The following GRM7 variants were observed in gnomAD, a reference collection of about 807,000 sequenced individuals.
The protein encoded by GRM7 is glutamate metabotropic receptor 7.
Under a neutral mutation model 84.5 loss-of-function variants are expected in GRM7, and 35 were observed. The ratio of observed to expected loss-of-function variants is 0.41; its 90% confidence interval spans 0.32 to 0.55. GRM7 has a LOEUF of 0.55. Ranked by LOEUF, GRM7 falls within the 20% of genes least tolerant of loss-of-function variation. The pLI, the probability that GRM7 is intolerant of heterozygous loss-of-function variation, is 0.19. For synonymous variants in GRM7, 487 were observed against 455.1 expected (o/e 1.07, Z -0.89); for missense variants, 1,003 against 1,194.6 (o/e 0.84, Z 2.36).
chr3:7,448,534 G>C (rs1262023092), intron 5 of GRM7, among the ~76,000 whole-genome samples: 1 of 152,172 alleles, frequency 6.6e-6, no homozygotes, highest in African/African-American at 2.4e-5. Context: ...AGGAGGAGTA[G>C]GGATGGTATA....
At chr3:7,624,958 GA>G (rs987120743) in intron 8 of GRM7, among the ~76,000 whole-genome samples, 3 of 152,194 alleles carry the variant, frequency 2.0e-5, no homozygotes, top group African/African-American at 7.2e-5. Flanking sequence ...AGAGTTGGGA[GA>G]GGGGCACTGT....
At chr3:7,566,111 T>TTTG (rs1210894800) in intron 7 of GRM7, among the ~76,000 whole-genome samples, 2,149 of 29,088 alleles carry the variant, frequency 0.074, 46 homozygotes, top group East Asian at 0.21. Context: ...CTGTTTTTTT[T>TTTG]TTTTTTTTTT....
At chr3:7,544,219 T>C (rs749030523) in intron 7 of GRM7, among the ~76,000 whole-genome samples, 2 of 152,206 alleles carry the variant, frequency 1.3e-5, no homozygotes, top group Admixed American at 6.5e-5. Context: ...CCAAGTGGAA[T>C]GCAGTGGCAG....
intron 2 of GRM7, among the ~76,000 whole-genome samples, chr3:7,185,857 A>G (rs1409965320): frequency 6.6e-6 from 1 of 152,218 alleles, no homozygotes; most frequent in African/African-American, 2.4e-5. Context: ...AAGTCTCCAA[A>G]TCATGCCCAG....
At chr3:7,514,675 C>T (rs1700315654) in intron 7 of GRM7, among the ~76,000 whole-genome samples, 2 of 152,126 alleles carry the variant, frequency 1.3e-5, no homozygotes, top group Admixed American at 1.3e-4. Context: ...CTTGGACCTG[C>T]CTTGTAAAAA....
chr3:7,575,072 C>T (rs546045752), intron 7 of GRM7, among the ~76,000 whole-genome samples: 1 of 152,292 alleles, frequency 6.6e-6, no homozygotes, highest in Non-Finnish European at 1.5e-5. Context: ...GCATAATTTG[C>T]TCTTTCCCTA....
At chr3:7,525,875 A>C (rs990266032) in intron 7 of GRM7, among the ~76,000 whole-genome samples, 5 of 152,154 alleles carry the variant, frequency 3.3e-5, no homozygotes, top group African/African-American at 1.2e-4. Flanking sequence ...TGTTCCTGCA[A>C]GGGAAATGAT....
intron 4 of GRM7, among the ~76,000 whole-genome samples, chr3:7,374,018 A>G (rs1274176927): frequency 6.6e-6 from 1 of 152,106 alleles, no homozygotes; most frequent in Non-Finnish European, 1.5e-5. Context: ...TCCATGGGAG[A>G]GGCAGCATAG....
intron 7 of GRM7, among the ~76,000 whole-genome samples, chr3:7,542,551 A>ATT (rs35372177): frequency 0.1 from 14,088 of 136,616 alleles, 818 homozygotes; most frequent in South Asian, 0.13. Context: ...ATGCATAGCA[A>ATT]TTTTTTTTTT....
chr3:7,370,336 T>G (rs7647276), intron 4 of GRM7, among the ~76,000 whole-genome samples: 1 of 151,892 alleles, frequency 6.6e-6, no homozygotes, highest in Non-Finnish European at 1.5e-5. Context: ...TTGGATGATA[T>G]GGATCCAGAT....
chr3:7,117,002 GC>G (rs1693057999), intron 1 of GRM7, among the ~76,000 whole-genome samples: 1 of 152,162 alleles, frequency 6.6e-6, no homozygotes, highest in South Asian at 2.1e-4. Context: ...TTGATTTTGT[GC>G]TTTAAAGGTG....
intron 1 of GRM7, among the ~76,000 whole-genome samples, chr3:7,064,363 C>T (rs997158826): frequency 1.7e-4 from 26 of 149,980 alleles, no homozygotes; most frequent in African/African-American, 6.3e-4. Flanking sequence ...AGTTATATCA[C>T]TTGGAATAAT....
intron 2 of GRM7, among the ~76,000 whole-genome samples, chr3:7,252,029 C>T (rs1325204741): frequency 6.6e-6 from 1 of 152,040 alleles, no homozygotes; most frequent in African/African-American, 2.4e-5. Flanking sequence ...TTCTCTGTCT[C>T]CCTCACCCAC....
intron 1 of GRM7, among the ~76,000 whole-genome samples, chr3:6,888,672 T>C (rs1695805075): frequency 6.6e-6 from 1 of 152,274 alleles, no homozygotes; most frequent in South Asian, 2.1e-4. Context: ...GCATGATGCC[T>C]CCAGCTTTGT....
rs190365379 is a variant in GRM7 at position 7,623,983 on chromosome 3, A to G, written c.2451+44626A>G. ...GGAGAGTAGAGCCTGTTGACTTTTC[A>G]AAGTGTCATATGGTACAATGGATGA... is the stretch of plus-strand genomic sequence containing the variant. On this transcript the variant is annotated intron_variant, in intron 8 of 9. Transcript: ENST00000357716. 1.8e-3 allele frequency among the ~76,000 whole-genome samples: 277 copies of G among 152,274 alleles called. 2 individuals carry two copies. Among genetic ancestry groups the G allele is most frequent in the African/African-American group, 6.3e-3 (263 of 41,568 alleles).
At chr3:7,457,579 G>C (rs2124901038) in intron 6 of GRM7, among the ~76,000 whole-genome samples, 1 of 152,292 alleles carries the variant, frequency 6.6e-6, no homozygotes, top group African/African-American at 2.4e-5. Context: ...ATTTTGTAGA[G>C]ATGGCAGATC....
chr3:7,442,160 AGCAGT>A (rs1327032002), intron 5 of GRM7, among the ~76,000 whole-genome samples: 1 of 152,008 alleles, frequency 6.6e-6, no homozygotes, highest in Non-Finnish European at 1.5e-5. Context: ...TATTTCTTTC[AGCAGT>A]GTTTTGTAGT....
chr3:7,736,136 T>C (rs1313582459), intron 9 of GRM7, among the ~76,000 whole-genome samples: 1 of 152,200 alleles, frequency 6.6e-6, no homozygotes, highest in Non-Finnish European at 1.5e-5. Context: ...TTGATGAGGT[T>C]GAACAATTTT....
chr3:7,411,845 C>A (rs914585563), intron 4 of GRM7, among the ~76,000 whole-genome samples: 2 of 152,068 alleles, frequency 1.3e-5, no homozygotes, highest in Non-Finnish European at 2.9e-5. Context: ...TTGAAGAATG[C>A]ATATTAGCAA....
Sources: allele counts gnomAD v4.1 joint callset (sites outside exome capture counted in the v4.1 genomes callset), GRCh38; gene constraint gnomAD v4.1.1; transcripts MANE v1.5; gene names NCBI Gene and HGNC (gene_info 2026-07-23, HGNC 2026-07-21).